The following SLC29A3 variants were observed in gnomAD, a reference collection of about 807,000 sequenced individuals.
The protein encoded by SLC29A3 is equilibrative nucleoside transporter 3.
In SLC29A3, 18 loss-of-function variants were observed where a neutral mutation model predicts 25.4. That is an observed-to-expected ratio of 0.71 (90% CI 0.49 to 1.05). The LOEUF (loss-of-function observed/expected upper bound fraction) is 1.05. Among genes scored for constraint, SLC29A3 ranks in the 50% least tolerant of loss-of-function variants. The probability of loss-of-function intolerance (pLI) is 0.00; values close to 1 mark genes in which losing one functional copy is unlikely to be tolerated. For synonymous variants in SLC29A3, 258 were observed against 267.1 expected (o/e 0.97, Z 0.33); for missense variants, 586 against 609.0 (o/e 0.96, Z 0.40).
chr10:71,345,113 GGA>G (rs2131829175), intron 3 of SLC29A3, among the ~76,000 whole-genome samples: 1 of 152,328 alleles, frequency 6.6e-6, no homozygotes, highest in African/African-American at 2.4e-5. Flanking sequence ...GGGTGCAAGA[GGA>G]GAGAGGGCAC....
In SLC29A3 at chr10:71,362,468, A is replaced by G; in HGVS notation, c.1288A>G (p.Ser430Gly). The change falls in exon 6 of 6, where the codon AGC (serine) becomes GGC (glycine). Residue 430 changes from serine (S) to glycine (G), a missense_variant. Ser to Gly is a moderately conservative substitution (Grantham distance 56). Coordinates refer to ENST00000373189, the MANE Select transcript of SLC29A3 (RefSeq NM_018344.6). ...GCTGGGGCTCAGCAACGGCTACCTC[A>G]GCACCCTGGCCCTCCTCTACGGGCC... is the stretch of plus-strand genomic sequence containing the variant. Reference protein sequence around the residue: ...SLLGLSNGYLSTLALLYGPKI... With the variant: ...SLLGLSNGYLGTLALLYGPKI... 6.2e-7 allele frequency: 1 copy of G among 1,614,176 alleles called. No individual in the cohort carries two copies. The highest frequency in any genetic ancestry group is 8.5e-7 in the Non-Finnish European group (1 of 1,180,044).
chr10:71,339,940 C>T (rs1241540693), intron 2 of SLC29A3, among the ~76,000 whole-genome samples: 1 of 152,184 alleles, frequency 6.6e-6, no homozygotes, highest in Non-Finnish European at 1.5e-5. Context: ...TGCCACAGCT[C>T]CTCCGTTGTA....
chr10:71,328,400 G>C (rs192238026), intron 2 of SLC29A3, among the ~76,000 whole-genome samples: 1 of 152,312 alleles, frequency 6.6e-6, no homozygotes, highest in East Asian at 1.9e-4. Context: ...TCACGTTCCT[G>C]CCCTACAGCT....
At chr10:71,327,246 C>T (rs771158465) in intron 2 of SLC29A3, among the ~76,000 whole-genome samples, 130 of 152,310 alleles carry the variant, frequency 8.5e-4, no homozygotes, top group South Asian at 6.2e-4. Flanking sequence ...TCAAGGTCAG[C>T]GGGCTCATTT....
intron 3 of SLC29A3, among the ~76,000 whole-genome samples, chr10:71,368,617 T>A (rs1847187608): frequency 1.3e-5 from 2 of 152,166 alleles, no homozygotes; most frequent in South Asian, 4.1e-4. Flanking sequence ...GACAGGCTGT[T>A]TCATTTTTTT....
rs745445966 is a variant in SLC29A3, at chr10:71,362,465, C to G, written c.1285C>G (p.Leu429Val). The change falls in exon 6 of 6, where the codon CTC becomes GTC. Residue 429 changes from leucine (L) to valine (V), a missense_variant. Leu to Val is a conservative substitution (Grantham distance 32). Coordinates refer to ENST00000373189, the MANE Select transcript of SLC29A3 (RefSeq NM_018344.6). Reference sequence around the variant, plus strand: ...CCTGCTGGGGCTCAGCAACGGCTACCTCAGCACCCTGGCCCTCCTCTACGG... The same window carrying G: ...CCTGCTGGGGCTCAGCAACGGCTACGTCAGCACCCTGGCCCTCCTCTACGG... The part of the protein sequence containing the change: ...SSLLGLSNGY[L>V]STLALLYGPK... 3.1e-6 allele frequency: 5 copies of G among 1,614,220 alleles called. No homozygotes were observed. Among genetic ancestry groups the G allele is most frequent in the South Asian group, 1.1e-5 (1 of 91,090 alleles).
chr10:71,358,691 G>A (rs1024441736), intron 5 of SLC29A3, among the ~76,000 whole-genome samples: 7 of 152,256 alleles, frequency 4.6e-5, no homozygotes, highest in Non-Finnish European at 1.0e-4. Context: ...GGGTGGGTCT[G>A]TTTCCAGCAG....
chr10:71,377,488 C>T (rs1234957380), intron 4 of SLC29A3, among the ~76,000 whole-genome samples: 1 of 152,044 alleles, frequency 6.6e-6, no homozygotes, highest in Non-Finnish European at 1.5e-5. Flanking sequence ...GCCGCGAGGG[C>T]TTCCGGGAGC....
At chr10:71,346,279 A>G (rs1476146222) in intron 3 of SLC29A3, among the ~76,000 whole-genome samples, 1 of 152,196 alleles carries the variant, frequency 6.6e-6, no homozygotes, top group Non-Finnish European at 1.5e-5. Flanking sequence ...TGAGCATTAT[A>G]TCCTGCAGAT....
chr10:71,341,409 G>A (rs1398182001), intron 2 of SLC29A3, among the ~76,000 whole-genome samples: 1 of 152,208 alleles, frequency 6.6e-6, no homozygotes, highest in African/African-American at 2.4e-5. Context: ...TCAGCAGAGG[G>A]TTTGGTGGGG....
intron 3 of SLC29A3, among the ~76,000 whole-genome samples, chr10:71,348,045 A>G (rs935283337): frequency 1.3e-5 from 2 of 152,208 alleles, no homozygotes; most frequent in Non-Finnish European, 2.9e-5. Flanking sequence ...ACTTCCTGCC[A>G]TGCTGAGGCA....
chr10:71,322,951 T>C lies in SLC29A3; in HGVS notation c.197T>C (p.Leu66Pro). Residue 66 changes from leucine (L) to proline (P), a missense_variant, in exon 2 of 6, where the codon CTG (leucine) becomes CCG (proline). Coordinates refer to ENST00000373189, the MANE Select transcript of SLC29A3 (RefSeq NM_018344.6). ...TTCAGCCTGGGCATTGGCAGTCTAC[T>C]GCCATGGAACTTCTTTATCACTGCC... Reference protein sequence around the residue: ...IFFSLGIGSLLPWNFFITAKE... With the variant: ...IFFSLGIGSLPPWNFFITAKE... 2 of 1,614,224 alleles carry C rather than the reference T, an allele frequency of 1.2e-6. No individual in the cohort carries two copies. Among genetic ancestry groups the C allele is most frequent in the East Asian group, 2.2e-5 (1 of 44,884 alleles).
rs142691613 is a variant in SLC29A3 at position 71,372,443 on chromosome 10, C to G, written c.*95-3252C>G. 4.5e-3 allele frequency among the ~76,000 whole-genome samples: 692 copies of G among 152,288 alleles called. 3 individuals carry two copies. The highest frequency in any genetic ancestry group is 0.01 in the Middle Eastern group (3 of 294). On this transcript the variant is annotated intron_variant and NMD_transcript_variant, in intron 3 of 4. Transcript: ENST00000642772. ...GTCCTCATTAGAATCACCTGGAGCA[C>G]TTGGTAAATGCAGATTGCTGTATCC...
intron 2 of SLC29A3, among the ~76,000 whole-genome samples, chr10:71,325,739 C>G (rs1845949798): frequency 6.6e-6 from 1 of 152,056 alleles, no homozygotes; most frequent in Non-Finnish European, 1.5e-5. Flanking sequence ...AGCAGCCTCA[C>G]CTGGGAGCTT....
At chr10:71,359,066 G>A (rs950620238) in intron 5 of SLC29A3, among the ~76,000 whole-genome samples, 5 of 152,042 alleles carry the variant, frequency 3.3e-5, no homozygotes, top group Non-Finnish European at 7.4e-5. Flanking sequence ...GGGCTGCCAC[G>A]CCCAGCTAAT....
chr10:71,372,382 C>A (rs975554535), intron 3 of SLC29A3, among the ~76,000 whole-genome samples: 3 of 152,210 alleles, frequency 2.0e-5, no homozygotes, highest in African/African-American at 7.2e-5. Context: ...CTGCCTGACT[C>A]CAAGACTCAA....
chr10:71,380,449 T>G (rs1283402881), exon 5 of SLC29A3: 2 of 152,296 alleles, frequency 1.3e-5, no homozygotes, highest in East Asian at 3.9e-4. Context: ...CCCCTGAGGT[T>G]GTTCTAATGA....
intron 1 of SLC29A3, among the ~76,000 whole-genome samples, chr10:71,320,590 A>G (rs998832086): frequency 6.6e-6 from 1 of 152,160 alleles, no homozygotes; most frequent in African/African-American, 2.4e-5. Flanking sequence ...GCTTCCAGAC[A>G]GTGAGCTTGT....
chr10:71,332,548 C>T (rs1369030463), intron 2 of SLC29A3, among the ~76,000 whole-genome samples: 1 of 152,188 alleles, frequency 6.6e-6, no homozygotes, highest in African/African-American at 2.4e-5. Flanking sequence ...GGGATTTTGC[C>T]TGAGCTTTGT....
Sources: allele counts gnomAD v4.1 joint callset (sites outside exome capture counted in the v4.1 genomes callset), GRCh38; gene constraint gnomAD v4.1.1; transcripts MANE v1.5; gene names NCBI Gene and HGNC (gene_info 2026-07-23, HGNC 2026-07-21).